BRD10: variants seen among roughly 807,000 people sequenced by gnomAD.
The protein encoded by BRD10 is bromodomain containing 10, also known as uncharacterized bromodomain-containing protein 10.
At chr9:5,893,229 G>T in the BRD10 span, among the ~76,000 whole-genome samples, 4 of 152,176 alleles carry the variant, frequency 2.6e-5, no homozygotes, top group African/African-American at 9.7e-5. Context: ...TGAAAACCCA[G>T]AGGCTGCAGG....
At chr9:5,887,599 C>G in the BRD10 span, among the ~76,000 whole-genome samples, 1 of 152,220 alleles carries the variant, frequency 6.6e-6, no homozygotes, top group East Asian at 1.9e-4. Context: ...CTGCATCCCT[C>G]TTTGTAGACT....
the BRD10 span, among the ~76,000 whole-genome samples, chr9:5,986,104 T>C: frequency 2.6e-5 from 4 of 152,298 alleles, no homozygotes; most frequent in African/African-American, 9.6e-5. Flanking sequence ...GCATTAGCTA[T>C]TTATCCTGAT....
chr9:5,938,124 A>G, the BRD10 span, among the ~76,000 whole-genome samples: 3 of 152,236 alleles, frequency 2.0e-5, no homozygotes. Context: ...CTTGAAAATA[A>G]AAGATTAAAT....
chr9:5,988,976 A>C, the BRD10 span, among the ~76,000 whole-genome samples: 5 of 152,186 alleles, frequency 3.3e-5, no homozygotes, highest in Non-Finnish European at 7.4e-5. Context: ...CATGCCTGCA[A>C]TCTCAGCAAT....
At chr9:5,954,815 G>A in the BRD10 span, among the ~76,000 whole-genome samples, 11 of 152,104 alleles carry the variant, frequency 7.2e-5, no homozygotes, top group Non-Finnish European at 1.2e-4. Context: ...TTTAGACCAG[G>A]CGCGGTGGCT....
the BRD10 span, among the ~76,000 whole-genome samples, chr9:5,900,974 G>C: frequency 5.3e-5 from 8 of 151,974 alleles, no homozygotes; most frequent in Non-Finnish European, 1.2e-4. Flanking sequence ...GAATACTTTG[G>C]GGTTCTTGCT....
At chr9:5,986,544 G>A in the BRD10 span, among the ~76,000 whole-genome samples, 1 of 152,172 alleles carries the variant, frequency 6.6e-6, no homozygotes, top group Non-Finnish European at 1.5e-5. Flanking sequence ...TCATCATACT[G>A]TCTTCCACAA....
the BRD10 span, chr9:5,921,282 C>A: frequency 6.2e-7 from 1 of 1,613,966 alleles, no homozygotes; most frequent in Non-Finnish European, 8.5e-7. Context: ...ATTTTCACAT[C>A]CTTTATCTGA....
chr9:5,958,767 G>GA, the BRD10 span, among the ~76,000 whole-genome samples: 5 of 152,084 alleles, frequency 3.3e-5, no homozygotes, highest in African/African-American at 4.8e-5. Flanking sequence ...ATAAATAAAT[G>GA]AATACTAAGA....
At chr9:5,921,171 T>C in the BRD10 span, 8 of 1,613,828 alleles carry the variant, frequency 5.0e-6, no homozygotes, top group East Asian at 1.8e-4. Context: ...TTGCTACTTT[T>C]GTCTTCTCCT....
At chr9:5,920,741 G>A in the BRD10 span, 6 of 1,613,784 alleles carry the variant, frequency 3.7e-6, no homozygotes, top group African/African-American at 2.7e-5. Context: ...GGATGTAGTC[G>A]CAGGTGTAGG....
the BRD10 span, among the ~76,000 whole-genome samples, chr9:5,957,107 G>C: frequency 6.6e-6 from 1 of 152,112 alleles, no homozygotes; most frequent in Admixed American, 6.5e-5. Context: ...AGTAGTGGTA[G>C]TAAGAAGATT....
At chr9:5,958,343 T>C in the BRD10 span, among the ~76,000 whole-genome samples, 98 of 152,350 alleles carry the variant, frequency 6.4e-4, no homozygotes, top group Non-Finnish European at 1.5e-4. Flanking sequence ...GGCATATTTC[T>C]TTACATAAGA....
the BRD10 span, among the ~76,000 whole-genome samples, chr9:5,942,805 C>T: frequency 1.3e-5 from 2 of 152,066 alleles, no homozygotes; most frequent in African/African-American, 4.8e-5. Context: ...TCAACTAAAC[C>T]CTAGGGTAAT....
At chr9:6,000,666 A>AAT in the BRD10 span, among the ~76,000 whole-genome samples, 1 of 128,302 alleles carries the variant, frequency 7.8e-6, no homozygotes, top group Non-Finnish European at 2.0e-5. Context: ...AATCTTTTTA[A>AAT]ATAATAGTCT....
At chr9:5,933,702 G>C in the BRD10 span, 5 of 445,452 alleles carry the variant, frequency 1.1e-5, no homozygotes, top group South Asian at 6.6e-5. Flanking sequence ...ATTGTAAAAA[G>C]AAAAGCTGCA....
At chr9:5,931,713 T>C in the BRD10 span, among the ~76,000 whole-genome samples, 3 of 152,196 alleles carry the variant, frequency 2.0e-5, no homozygotes, top group African/African-American at 7.2e-5. Flanking sequence ...CCCAAAAGTT[T>C]ATTATTTTCA....
chr9:5,961,371 T>C, the BRD10 span, among the ~76,000 whole-genome samples: 7 of 152,146 alleles, frequency 4.6e-5, no homozygotes, highest in Non-Finnish European at 7.4e-5. Flanking sequence ...GGGCTATTCT[T>C]TTTGCTTGTC....
chr9:5,919,910 G>A, the BRD10 span: 1 of 1,613,836 alleles, frequency 6.2e-7, no homozygotes, highest in African/African-American at 1.3e-5. Context: ...ACTTGGCAGT[G>A]GAGGATTACT....
Sources: allele counts gnomAD v4.1 joint callset (sites outside exome capture counted in the v4.1 genomes callset), GRCh38; gene constraint gnomAD v4.1.1; transcripts MANE v1.5; gene names NCBI Gene and HGNC (gene_info 2026-07-23, HGNC 2026-07-21).